Variants in PCNX4 observed in about 807,000 individuals in gnomAD.
The protein encoded by PCNX4 is pecanex 4, also known as pecanex-like protein 4.
A neutral mutation model predicts 107.2 loss-of-function variants in PCNX4; 103 were observed. The ratio of observed to expected loss-of-function variants is 0.96; its 90% CI spans 0.82 to 1.13. The LOEUF (loss-of-function observed/expected upper bound fraction) is 1.13, where lower values mean the gene tolerates loss of function less well. PCNX4 is among the 50% of genes most tolerant of loss of function. PCNX4 has a pLI of 0.00. For synonymous variants in PCNX4, 541 were observed against 481.7 expected (o/e 1.12, Z -1.61); for missense variants, 1,528 against 1,379.4 (o/e 1.11, Z -1.71).
chr14:60,126,360 A>T (rs536548242), intron 10 of PCNX4, among the ~76,000 whole-genome samples: 159 of 152,352 alleles, frequency 1.0e-3, no homozygotes, highest in Non-Finnish European at 2.1e-3. Flanking sequence ...TTATGAGCTT[A>T]TCATGGTTTT....
chr14:60,107,865 C>G lies in PCNX4; in HGVS notation c.227C>G (p.Ser76Ter). 2 of 1,612,846 alleles carry G rather than the reference C, an allele frequency of 1.2e-6. No individual in the cohort carries two copies. The highest frequency in any genetic ancestry group is 1.7e-5 in the Admixed American group (1 of 60,022). Reference sequence around the variant, plus strand: ...AAAGACTATTATACAGCAGCACTTTCAGGTGGATTAATGCTTTTTACTGCA... The same window carrying G: ...AAAGACTATTATACAGCAGCACTTTGAGGTGGATTAATGCTTTTTACTGCA... ...ILKDYYTAAL[S>*]GGLMLFTAFV... Residue 76 changes from serine to a stop codon, truncating the protein, a stop_gained, in exon 2 of 11, where the codon TCA becomes TGA. Coordinates refer to ENST00000406854, the MANE Select transcript of PCNX4 (RefSeq NM_001330177.2). LOFTEE classifies it high-confidence loss of function.
rs1365537878 is a variant in PCNX4 at position 60,125,093 on chromosome 14, A to G, written c.2922A>G (p.Thr974=). The change falls in exon 9 of 11, where the codon ACA becomes ACG. Residue 974 remains threonine, a synonymous_variant. Transcript: ENST00000406854. Reference sequence around the variant, plus strand: ...TTTTAAAAGACTTTTATGTTCATACAGTAATGACTTGTTATTTTAGTTTAT... The same window carrying G: ...TTTTAAAAGACTTTTATGTTCATACGGTAATGACTTGTTATTTTAGTTTAT... The part of the protein sequence containing the change: ...DKVLKDFYVH[T]VMTCYFSLFG... The G allele has an allele frequency of 3.1e-6, 5 of 1,613,138 alleles. No individual in the cohort carries two copies. In the African/African-American group the frequency reaches 4.0e-5, roughly 13 times the overall value.
intron 2 of PCNX4, among the ~76,000 whole-genome samples, chr14:60,111,610 C>T (rs1895741876): frequency 6.6e-6 from 1 of 152,048 alleles, no homozygotes; most frequent in Admixed American, 6.5e-5. Flanking sequence ...AAATTGAATG[C>T]CTGATGTAAT....
chr14:60,118,257 G>A, intron 6 of PCNX4, 72 bp from the exon 7 acceptor site: 1 of 1,452,808 alleles, frequency 6.9e-7, no homozygotes, highest in Non-Finnish European at 9.1e-7. Flanking sequence ...TGTATAGTCT[G>A]TCTTATATGA....
chr14:60,111,608 T>C (rs544618203), intron 2 of PCNX4, among the ~76,000 whole-genome samples: 1 of 152,314 alleles, frequency 6.6e-6, no homozygotes, highest in Non-Finnish European at 1.5e-5. Context: ...AGAAATTGAA[T>C]GCCTGATGTA....
At chr14:60,113,357 CTTA>C (rs975522490) in intron 2 of PCNX4, among the ~76,000 whole-genome samples, 2 of 152,032 alleles carry the variant, frequency 1.3e-5, no homozygotes, top group Non-Finnish European at 2.9e-5. Flanking sequence ...CAGAAATTGT[CTTA>C]TTATTATTAC....
Position 60,121,310 on chromosome 14 carries a change from A to C in PCNX4, c.2046+11A>C. On this transcript the variant is annotated intron_variant, in intron 8 of 10. Transcript: ENST00000406854. Reference sequence around the variant, plus strand: ...TCTATTAACATTAAGGTCAGTGTGCATATAAAACATCTGTAGTATTTTTAT... The same window carrying C: ...TCTATTAACATTAAGGTCAGTGTGCCTATAAAACATCTGTAGTATTTTTAT... The C allele has an allele frequency of 6.2e-7, 1 of 1,603,690 alleles. No individual in the cohort carries two copies. Among genetic ancestry groups the C allele is most frequent in the Non-Finnish European group, 8.5e-7 (1 of 1,175,926 alleles).
intron 10 of PCNX4, chr14:60,133,569 T>C: frequency 2.3e-6 from 1 of 431,512 alleles, no homozygotes; most frequent in South Asian, 1.7e-5. Context: ...ATATAGTAAG[T>C]AAATGTGAAT....
rs1231526224 is a variant in PCNX4, at chr14:60,148,053, A to G, written c.*13832A>G. On this transcript the variant is annotated 3_prime_UTR_variant, in exon 11 of 11. Transcript: ENST00000406854. This position sits in a 1 kb window ranked among gnomAD's most constrained non-coding sequence, Gnocchi z 4.8. ...TGTTCCACATTACTACTTGGTAGAA[A>G]ACGAAAAGCTCCTTTTTGATTTTTC... is the stretch of plus-strand genomic sequence containing the variant. 1 of 152,260 alleles carries G rather than the reference A, an allele frequency of 6.6e-6. No homozygotes were observed. The highest frequency in any genetic ancestry group is 1.5e-5 in the Non-Finnish European group (1 of 68,052). 9.4% of individuals were successfully genotyped at this position (152,260 alleles called of 1,614,324 possible). A position where few individuals can be genotyped will look rare whatever the true frequency, so the allele number is the denominator to read the frequency against.
At chr14:60,125,359 CT>C (rs1896035608) in intron 9 of PCNX4, 108 bp downstream of exon 9, 1 of 1,189,994 alleles carries the variant, frequency 8.4e-7, no homozygotes, top group Non-Finnish European at 1.1e-6. Context: ...TTAAAATTTA[CT>C]TTCTTCAAAA....
chr14:60,099,592 CACATTGTAGGT>C (rs1165411655), intron 1 of PCNX4, among the ~76,000 whole-genome samples: 1 of 152,134 alleles, frequency 6.6e-6, no homozygotes, highest in Non-Finnish European at 1.5e-5. Flanking sequence ...TATCACTGAG[CACATTGTAGGT>C]ACCCAAAAGT....
Position 60,107,861 on chromosome 14 carries a change from CT to C in PCNX4, c.226del (p.Ser76GlnfsTer4), listed in dbSNP as rs1450561540. 6.2e-6 allele frequency: 10 copies of C among 1,612,708 alleles called. No homozygotes were observed. Among genetic ancestry groups the C allele is most frequent in the Non-Finnish European group, 8.5e-6 (10 of 1,179,880 alleles). On this transcript the variant is annotated frameshift_variant, in exon 2 of 11. Transcript: ENST00000406854. LOFTEE classifies it high-confidence loss of function. ...CCTGAAAGACTATTATACAGCAGCA[CT>C]TTCAGGTGGATTAATGCTTTTTACT... ...GILKDYYTAA[L>X]SGGLMLFTAF... is the part of the protein sequence containing the mutation.
chr14:60,092,605 A>C (rs1338335758), intron 1 of PCNX4, among the ~76,000 whole-genome samples, 186 bp downstream of exon 1: 1 of 152,216 alleles, frequency 6.6e-6, no homozygotes, highest in African/African-American at 2.4e-5. Flanking sequence ...ATAGTAATTC[A>C]GTGTGATTTT....
intron 10 of PCNX4, 106 bp downstream of exon 10, chr14:60,125,929 A>T (rs1896047906): frequency 2.7e-6 from 2 of 745,474 alleles, no homozygotes; most frequent in Non-Finnish European, 3.8e-6. Flanking sequence ...TATAGCTGTG[A>T]TATATTAATT....
chr14:60,100,332 CTT>C (rs1716610488), intron 1 of PCNX4, among the ~76,000 whole-genome samples: 2 of 152,146 alleles, frequency 1.3e-5, no homozygotes, highest in South Asian at 4.1e-4. Flanking sequence ...GAGTTTCACT[CTT>C]GTCACCTAGG....
rs371680903 is a variant in PCNX4, at chr14:60,115,180, A to T, written c.1076A>T (p.Tyr359Phe). The T allele has an allele frequency of 4.4e-5, 71 of 1,613,500 alleles. No homozygotes were observed. The African/African-American group carries it at 9.1e-4, about 21-fold the overall frequency. ...TTTTCATGGAAGGAATGCCTTTTCT[A>T]CATCATTATATTAGTCTTGGCTCTT... ...KHFSWKECLFYIIILVLALLE... is the reference protein window; with the variant it reads ...KHFSWKECLFFIIILVLALLE... Residue 359 changes from tyrosine (Y) to phenylalanine (F), a missense_variant, in exon 4 of 11, where the codon TAC becomes TTC. By Grantham distance (22) the Tyr-to-Phe change is conservative. Transcript: ENST00000406854.
Position 60,121,251 on chromosome 14 carries a change from G to T in PCNX4, c.1998G>T (p.Trp666Cys), listed in dbSNP as rs1303824351. ...GCCGTTTTCAGGATCGTTTAATGTG[G>T]ATAATGATTCTGGAATGTGGCTATA... ...YLGRFQDRLM[W>C]IMILECGYTY... The change falls in exon 8 of 11, where the codon TGG becomes TGT. Residue 666 changes from tryptophan (W) to cysteine (C), a missense_variant. Transcript: ENST00000406854. 6.2e-7 allele frequency: 1 copy of T among 1,610,076 alleles called. No homozygotes were observed. The highest frequency in any genetic ancestry group is 2.2e-5 in the East Asian group (1 of 44,698).
At chr14:60,113,438 G>C (rs756683669) in intron 2 of PCNX4, among the ~76,000 whole-genome samples, 2 of 151,952 alleles carry the variant, frequency 1.3e-5, no homozygotes, top group African/African-American at 4.8e-5. Flanking sequence ...ACGCAATCTC[G>C]GTTCACTGGA....
At chr14:60,123,873 T>C (rs1447620717) in intron 8 of PCNX4, among the ~76,000 whole-genome samples, 3 of 152,140 alleles carry the variant, frequency 2.0e-5, no homozygotes, top group Admixed American at 1.3e-4. Flanking sequence ...TTGCTTTTTT[T>C]CTCCTCCAGG....
Sources: gnomAD v4.1 joint callset for allele counts (sites outside exome capture counted in the v4.1 genomes callset) on GRCh38, gnomAD v4.1.1 for gene constraint, Gnocchi (gnomAD v3.1) non-coding constraint, MANE v1.5 for transcripts, NCBI Gene and HGNC (gene_info 2026-07-23, HGNC 2026-07-21) for gene names.